Variants in PHF21A observed in about 807,000 individuals in gnomAD.
The protein encoded by PHF21A is PHD finger protein 21A.
PHF21A carries 11 observed loss-of-function variants against 82.5 expected under a neutral mutation model. That is an observed-to-expected ratio of 0.13 (90% CI 0.08 to 0.22). PHF21A has a LOEUF of 0.22. Ranked by LOEUF, PHF21A falls within the 10% of genes least tolerant of loss-of-function variation. The probability of loss-of-function intolerance (pLI) is 1.00; values close to 1 mark genes in which losing one functional copy is unlikely to be tolerated. For synonymous variants in PHF21A, 297 were observed against 302.8 expected (o/e 0.98, Z 0.20); for missense variants, 579 against 837.8 (o/e 0.69, Z 3.81).
At chr11:45,942,813 C>T (rs115139565) in intron 15 of PHF21A, among the ~76,000 whole-genome samples, 1 of 152,258 alleles carries the variant, frequency 6.6e-6, no homozygotes, top group African/African-American at 2.4e-5. Flanking sequence ...GTTCTGAGAA[C>T]CTTCAAGTTC....
At chr11:46,011,220 G>A (rs2095407953) in intron 6 of PHF21A, among the ~76,000 whole-genome samples, 1 of 152,142 alleles carries the variant, frequency 6.6e-6, no homozygotes, top group South Asian at 2.1e-4. Flanking sequence ...TGGGCATGGT[G>A]GCTCACACCT....
intron 10 of PHF21A, among the ~76,000 whole-genome samples, chr11:45,955,941 C>T (rs2092604181): frequency 6.6e-6 from 1 of 152,136 alleles, no homozygotes; most frequent in South Asian, 2.1e-4. Context: ...CAGCTCTAGC[C>T]AACTAGTTTG....
At position 45,930,099 on chromosome 11, in the gene PHF21A, A is replaced by G. The variant is rs1477917813; in HGVS notation, c.*3869T>C. The G allele has an allele frequency of 6.6e-6, 1 of 152,270 alleles. No individual in the cohort carries two copies. The highest frequency in any genetic ancestry group is 1.5e-5 in the Non-Finnish European group (1 of 68,056). The allele number at this position is 152,270 out of a possible 1,614,324, so 9.4% of individuals were successfully genotyped here. ...CCTAAATTCAGCCCTTTAGATAAAT[A>G]AGAAGGACCACGCCCTATAAGAGAA... On this transcript the variant is annotated 3_prime_UTR_variant, in exon 19 of 19. Transcript: ENST00000676320.
intron 18 of PHF21A, 117 bp from the exon 19 acceptor site, chr11:45,934,342 G>A (rs1359860100): frequency 2.9e-6 from 3 of 1,049,306 alleles, no homozygotes; most frequent in African/African-American, 1.6e-5. Context: ...GCTGGCTGCT[G>A]TGCAGCCCCT....
chr11:45,995,708 T>A (rs1281780808), intron 6 of PHF21A, among the ~76,000 whole-genome samples: 2 of 152,206 alleles, frequency 1.3e-5, no homozygotes, highest in African/African-American at 2.4e-5. Context: ...AAGACTTTAA[T>A]ACTGCAGACT....
At chr11:45,964,909 C>G (rs1393207929) in intron 10 of PHF21A, among the ~76,000 whole-genome samples, 1 of 152,196 alleles carries the variant, frequency 6.6e-6, no homozygotes, top group Non-Finnish European at 1.5e-5. Flanking sequence ...AATGAAATCC[C>G]TTTCCCTGTT....
rs539851442 is a variant in PHF21A at position 46,104,945 on chromosome 11, C to T, written c.-236-12722G>A. 4.3e-4 allele frequency among the ~76,000 whole-genome samples: 66 copies of T among 152,320 alleles called. 1 individual carries two copies. Among genetic ancestry groups the T allele is most frequent in the Admixed American group, 3.1e-3 (47 of 15,304 alleles). On this transcript the variant is annotated intron_variant, in intron 1 of 18. Coordinates refer to ENST00000676320, the MANE Select transcript of PHF21A (RefSeq NM_001352027.3). Reference sequence around the variant, plus strand: ...AGATGCCAAAGCTCAGGCTCTTATACTAATACTTGTCTCAATCCTTGAGAA... The same window carrying T: ...AGATGCCAAAGCTCAGGCTCTTATATTAATACTTGTCTCAATCCTTGAGAA...
chr11:45,950,124 C>A, intron 12 of PHF21A, 82 bp downstream of exon 12: 1 of 1,105,812 alleles, frequency 9.0e-7, no homozygotes, highest in Non-Finnish European at 1.3e-6. Context: ...ATTTTCTATT[C>A]CAGGAATTCA....
intron 6 of PHF21A, among the ~76,000 whole-genome samples, chr11:46,038,915 T>C (rs1480765663): frequency 6.6e-6 from 1 of 152,120 alleles, no homozygotes; most frequent in Admixed American, 6.5e-5. Context: ...CGCATGAAAC[T>C]TGGGGGACAC....
chr11:46,037,880 A>T lies in PHF21A; in HGVS notation c.153+38874T>A, dbSNP rs1273791372. Among the ~76,000 whole-genome samples the T allele has an allele frequency of 2.0e-5, 3 of 151,958 alleles. No homozygotes were observed. In the East Asian group the frequency reaches 5.8e-4, roughly 29 times the overall value. On this transcript the variant is annotated intron_variant, in intron 6 of 18. Transcript: ENST00000676320. The stretch of plus-strand genomic sequence containing the variant: ...GATCTGAGGCTTTTTCAGCTCAGAA[A>T]TTTTTTCTTCTGAAATTCCTTTTAG...
intron 6 of PHF21A, among the ~76,000 whole-genome samples, chr11:46,047,671 G>C (rs764882805): frequency 5.9e-5 from 9 of 152,164 alleles, no homozygotes; most frequent in Non-Finnish European, 1.2e-4. Flanking sequence ...TGACAAGAAG[G>C]CAGTGACTAA....
chr11:46,075,738 CAT>C (rs1295366482), intron 6 of PHF21A, among the ~76,000 whole-genome samples: 3 of 152,186 alleles, frequency 2.0e-5, no homozygotes, highest in African/African-American at 7.2e-5. Flanking sequence ...ATTAATGATT[CAT>C]ATCTCTTCCA....
chr11:45,992,779 C>T lies in PHF21A; in HGVS notation c.154-12813G>A, dbSNP rs373489676. Among the ~76,000 whole-genome samples, 15 of 152,274 alleles carry T rather than the reference C, an allele frequency of 9.9e-5. 1 individual carries two copies. The East Asian group carries it at 1.2e-3, about 12-fold the overall frequency. ...ACACACAACTATATACAAAATATAA[C>T]AGTGGAAATGAAAATGGTAGTAATA... On this transcript the variant is annotated intron_variant, in intron 6 of 18. Transcript: ENST00000676320.
chr11:46,080,562 A>G (rs1184741235), intron 4 of PHF21A, among the ~76,000 whole-genome samples: 1 of 152,242 alleles, frequency 6.6e-6, no homozygotes, highest in Non-Finnish European at 1.5e-5. Context: ...CTTACAAAAA[A>G]GGTCCCAAAC....
chr11:46,099,564 C>CACG (rs2097061290), intron 1 of PHF21A, among the ~76,000 whole-genome samples: 1 of 61,400 alleles, frequency 1.6e-5, no homozygotes. Flanking sequence ...ACACACACAC[C>CACG]CTAAACACAA....
chr11:46,046,366 T>C (rs1555142137), intron 6 of PHF21A, among the ~76,000 whole-genome samples: 2 of 152,012 alleles, frequency 1.3e-5, no homozygotes, highest in Non-Finnish European at 2.9e-5. Flanking sequence ...TATTTCCCCA[T>C]CAAGCAAAAT....
chr11:45,966,099 T>A (rs1565303290), intron 9 of PHF21A, among the ~76,000 whole-genome samples: 1 of 152,112 alleles, frequency 6.6e-6, no homozygotes, highest in African/African-American at 2.4e-5. Context: ...TTCTTAGGAT[T>A]TTTTTCCCTG....
At chr11:46,104,802 C>G (rs1264627973) in intron 1 of PHF21A, among the ~76,000 whole-genome samples, 1 of 152,152 alleles carries the variant, frequency 6.6e-6, no homozygotes, top group Non-Finnish European at 1.5e-5. Flanking sequence ...TCCCAGTGAC[C>G]AGCACAGTGG....
At position 45,935,741 on chromosome 11, in the gene PHF21A, T is replaced by TA. The variant is rs35995547; in HGVS notation, c.1685-3dup. 5,170 of 521,238 alleles carry TA rather than the reference T, an allele frequency of 9.9e-3. 20 individuals are homozygous for TA. The highest frequency in any genetic ancestry group is 0.036 in the African/African-American group (1,418 of 39,128). 32.3% of individuals were successfully genotyped at this position (521,238 alleles called of 1,614,324 possible). ...ACTTCTGTTTCTCTTCTTCTTTTGC[T>TA]AAAAAAAAAAAAAAAAAAAAAAAGG... On this transcript the variant is annotated splice_region_variant and splice_polypyrimidine_tract_variant and intron_variant, in intron 17 of 18. Coordinates refer to ENST00000676320, the MANE Select transcript of PHF21A (RefSeq NM_001352027.3).
Sources: allele counts gnomAD v4.1 joint callset (sites outside exome capture counted in the v4.1 genomes callset), GRCh38; gene constraint gnomAD v4.1.1; transcripts MANE v1.5; gene names NCBI Gene and HGNC (gene_info 2026-07-23, HGNC 2026-07-21).